The following FMO5 variants were observed in gnomAD, a reference collection of about 807,000 sequenced individuals.
FMO5 encodes the protein flavin containing dimethylaniline monoxygenase 5.
Under a neutral mutation model 43.6 loss-of-function variants are expected in FMO5, and 51 were observed. The observed-to-expected ratio is 1.17, with a 90% CI of 0.93 to 1.48. FMO5 has a LOEUF of 1.48. Ranked by LOEUF, FMO5 falls within the 40% of genes most tolerant of loss-of-function variation. The pLI is 0.00. For missense variants in FMO5, 644 were observed against 643.0 expected, an observed-to-expected ratio of 1.00 and a Z score of -0.02; for synonymous variants, 187 against 216.5, an observed-to-expected ratio of 0.86 and a Z score of 1.20.
chr1:147,225,172 G>A (rs1663827118), intron 1 of FMO5, 106 bp from the exon 2 acceptor site: 3 of 1,505,766 alleles, frequency 2.0e-6, no homozygotes, highest in Admixed American at 2.1e-5. Flanking sequence ...GGTGTCTTGA[G>A]GAGGACAGAT....
chr1:147,204,683 T>C, intron 6 of FMO5: 12 of 1,569,414 alleles, frequency 7.6e-6, no homozygotes, highest in Non-Finnish European at 1.1e-5. Flanking sequence ...ACAGTCATTT[T>C]TGCAGCAGGA....
At position 147,201,486 on chromosome 1, in the gene FMO5, T is replaced by C. The variant is rs1292622669; in HGVS notation, c.849A>G (p.Pro283=). 1.2e-6 allele frequency: 2 copies of C among 1,613,552 alleles called. No individual in the cohort carries two copies. The highest frequency in any genetic ancestry group is 8.5e-7 in the Non-Finnish European group (1 of 1,179,692). Residue 283 remains proline, a synonymous_variant, in exon 7 of 9, where the codon CCA becomes CCG. Coordinates refer to ENST00000254090, the MANE Select transcript of FMO5 (RefSeq NM_001461.4). The part of the protein sequence containing the change: ...KPKHRALSQH[P]TLNDDLPNRI... Reference sequence around the variant, plus strand: ...GATTTGGCAGGTCATCATTTAAGGTTGGATGCTGACTCAGAGCTCTGTGAG... The same window carrying C: ...GATTTGGCAGGTCATCATTTAAGGTCGGATGCTGACTCAGAGCTCTGTGAG...
intron 8 of FMO5, among the ~76,000 whole-genome samples, chr1:147,188,326 T>A (rs1225871726): frequency 1.3e-5 from 2 of 151,812 alleles, no homozygotes; most frequent in Non-Finnish European, 2.9e-5. Context: ...GAGTTCGAGA[T>A]CAGCCTGGGC....
chr1:147,224,860 G>T (rs782574399), intron 2 of FMO5, 35 bp downstream of exon 2: 1 of 1,600,962 alleles, frequency 6.2e-7, no homozygotes, highest in East Asian at 2.2e-5. Context: ...TGCAGGGAGG[G>T]TTTCAAGTAT....
upstream of FMO5, among the ~76,000 whole-genome samples, chr1:147,226,583 G>C (rs1172958151): frequency 2.6e-5 from 4 of 152,150 alleles, no homozygotes; most frequent in African/African-American, 9.7e-5. Flanking sequence ...GTTAGAACAA[G>C]GGCCCATCCA....
Position 147,211,982 on chromosome 1 carries a change from C to T in FMO5, c.630+411G>A, listed in dbSNP as rs182103499. Among the ~76,000 whole-genome samples the T allele has an allele frequency of 1.4e-3, 207 of 152,300 alleles. 1 individual carries two copies. The highest frequency in any genetic ancestry group is 4.8e-3 in the African/African-American group (200 of 41,562). On this transcript the variant is annotated intron_variant, in intron 5 of 8. Transcript: ENST00000254090. ...ATGAGTGAAAAGTTTCCAATGATCACGCGTGCTTTCCTTTATGTAAGAACA... is the reference window on the plus strand; with the variant it reads ...ATGAGTGAAAAGTTTCCAATGATCATGCGTGCTTTCCTTTATGTAAGAACA...
intron 8 of FMO5, among the ~76,000 whole-genome samples, chr1:147,188,106 AG>A (rs1197172280): frequency 2.6e-5 from 4 of 152,178 alleles, no homozygotes; most frequent in African/African-American, 9.7e-5. Context: ...AAATGGGACT[AG>A]ATTTAGGAGA....
At chr1:147,197,273 T>C (rs1177126702) in intron 7 of FMO5, among the ~76,000 whole-genome samples, 3 of 152,204 alleles carry the variant, frequency 2.0e-5, no homozygotes, top group Non-Finnish European at 4.4e-5. Flanking sequence ...AATTCCTATG[T>C]AGTTGTAGGG....
rs190958363 is a variant in FMO5, at chr1:147,203,213, C to T, written c.831-1709G>A. ...ATGTAAGGAGAATAAGAAAACATCA[C>T]GCGATTCTTAGAATACTACTACAAA... On this transcript the variant is annotated intron_variant, in intron 6 of 8. Transcript: ENST00000254090. 49 of 875,588 alleles carry T rather than the reference C, an allele frequency of 5.6e-5. No homozygotes were observed. The East Asian group carries it at 8.5e-4, about 15-fold the overall frequency. 54.2% of individuals were successfully genotyped at this position (875,588 alleles called of 1,614,324 possible).
At position 147,204,623 on chromosome 1, in the gene FMO5, C is replaced by T. The variant is rs587635902; in HGVS notation, c.831-3119G>A. 1.8e-5 allele frequency: 29 copies of T among 1,591,780 alleles called. No individual in the cohort carries two copies. The South Asian group carries it at 3.2e-4, about 18-fold the overall frequency. On this transcript the variant is annotated intron_variant, in intron 6 of 8. Transcript: ENST00000254090. ...AGGAGAGCTCCGGCAAATACCAGAACAATGTTTGTGCCATCTCCAACTTCT... is the reference window on the plus strand; with the variant it reads ...AGGAGAGCTCCGGCAAATACCAGAATAATGTTTGTGCCATCTCCAACTTCT...
At chr1:147,188,273 A>G (rs1419029177) in intron 8 of FMO5, among the ~76,000 whole-genome samples, 1 of 152,128 alleles carries the variant, frequency 6.6e-6, no homozygotes, top group Non-Finnish European at 1.5e-5. Context: ...CTGTAATCCT[A>G]GCACTTTGGG....
intron 7 of FMO5, among the ~76,000 whole-genome samples, chr1:147,192,022 A>G (rs1656949041): frequency 6.6e-6 from 1 of 152,050 alleles, no homozygotes; most frequent in South Asian, 2.1e-4. Flanking sequence ...ATGAACTTTA[A>G]AATAGTTTTT....
intron 7 of FMO5, 138 bp from the exon 8 acceptor site, chr1:147,190,387 G>A (rs1009226716): frequency 5.2e-6 from 3 of 575,204 alleles, no homozygotes; most frequent in Non-Finnish European, 9.2e-6. Flanking sequence ...CAATTCACTT[G>A]ATCACCTTAC....
intron 7 of FMO5, among the ~76,000 whole-genome samples, chr1:147,199,525 C>T (rs1395432326): frequency 6.6e-6 from 1 of 152,182 alleles, no homozygotes; most frequent in Admixed American, 6.5e-5. Flanking sequence ...ATAATGCAGA[C>T]TCTTGCAAAT....
chr1:147,218,457 C>T lies in FMO5; in HGVS notation c.136-2515G>A, dbSNP rs587700306. ...TTCACCATGTTAGCCAGGCTGGACT[C>T]GATCTCCTGACCTCGTGATCCGCCC... is the stretch of plus-strand genomic sequence containing the variant. On this transcript the variant is annotated intron_variant, in intron 2 of 8. Transcript: ENST00000254090. 3.1e-3 allele frequency among the ~76,000 whole-genome samples: 465 copies of T among 152,038 alleles called. 1 individual carries two copies. Among genetic ancestry groups the T allele is most frequent in the Middle Eastern group, 0.021 (6 of 292 alleles).
chr1:147,212,908 C>CT (rs200772317), intron 4 of FMO5, among the ~76,000 whole-genome samples: 151 of 148,688 alleles, frequency 1.0e-3, no homozygotes, highest in South Asian at 5.1e-3. Flanking sequence ...GTATAGAGTG[C>CT]TTTTTTTTTT....
At chr1:147,223,640 C>A (rs60565795) in intron 2 of FMO5, 2,624 of 156,456 alleles carry the variant, frequency 0.017, 78 homozygotes, top group African/African-American at 0.06. Flanking sequence ...AGTTGTGAAT[C>A]CTCTGTTTGA....
intron 6 of FMO5, among the ~76,000 whole-genome samples, chr1:147,206,243 C>T (rs11239943): frequency 3.4e-5 from 5 of 146,662 alleles, no homozygotes; most frequent in African/African-American, 1.0e-4. Context: ...GTTAGAATGG[C>T]GATCATTAAA....
chr1:147,213,616 T>A (rs1478775932), intron 3 of FMO5, 146 bp from the exon 4 acceptor site: 13 of 647,088 alleles, frequency 2.0e-5, no homozygotes, highest in Non-Finnish European at 2.9e-5. Context: ...AAATAAGAAC[T>A]GTTTGGGGCT....
Sources: allele counts gnomAD v4.1 joint callset (sites outside exome capture counted in the v4.1 genomes callset), GRCh38; gene constraint gnomAD v4.1.1; transcripts MANE v1.5; gene names NCBI Gene and HGNC (gene_info 2026-07-23, HGNC 2026-07-21).